Variants in SLC1A3 observed in about 807,000 individuals in gnomAD.
SLC1A3 encodes solute carrier family 1 member 3.
A neutral mutation model predicts 48.1 loss-of-function variants in SLC1A3; 21 were observed. That is an observed-to-expected ratio of 0.44 (90% CI 0.31 to 0.63). The LOEUF is 0.63. Ranked by LOEUF, SLC1A3 falls within the 20% of genes least tolerant of loss-of-function variation. The pLI is 0.08. For missense variants in SLC1A3, 546 were observed against 689.0 expected, an observed-to-expected ratio of 0.79 and a Z score of 2.32; for synonymous variants, 239 against 251.4, an observed-to-expected ratio of 0.95 and a Z score of 0.47.
chr5:36,663,209 TC>T (rs1298078679), intron 3 of SLC1A3, among the ~76,000 whole-genome samples: 1 of 152,002 alleles, frequency 6.6e-6, no homozygotes, highest in Non-Finnish European at 1.5e-5. Flanking sequence ...CATTTTCTTT[TC>T]TTGTTTGTTT....
chr5:36,638,182 T>G (rs1740470052), intron 3 of SLC1A3, among the ~76,000 whole-genome samples: 1 of 152,190 alleles, frequency 6.6e-6, no homozygotes, highest in Non-Finnish European at 1.5e-5. Flanking sequence ...TGGAATGCAC[T>G]GTTAACATGT....
chr5:36,683,620 A>G (rs546316025), intron 8 of SLC1A3, among the ~76,000 whole-genome samples: 2 of 152,096 alleles, frequency 1.3e-5, no homozygotes, highest in East Asian at 1.9e-4. Flanking sequence ...AGGCACGAGA[A>G]TCACTTGAAC....
intron 2 of SLC1A3, among the ~76,000 whole-genome samples, chr5:36,620,848 A>G (rs1469866892): frequency 6.6e-6 from 1 of 152,086 alleles, no homozygotes; most frequent in East Asian, 1.9e-4. Flanking sequence ...AACAAATAAA[A>G]CCAGCTAAGG....
chr5:36,676,806 A>G, intron 5 of SLC1A3, 86 bp from the exon 6 acceptor site: 1 of 1,021,236 alleles, frequency 9.8e-7, no homozygotes, highest in Non-Finnish European at 1.4e-6. Flanking sequence ...AGTAACAGTA[A>G]TCATTTTAGA....
chr5:36,687,260 G>A lies in SLC1A3; in HGVS notation c.*991G>A, dbSNP rs1489496409. 6.6e-6 allele frequency: 1 copy of A among 152,196 alleles called. No homozygotes were observed. Among genetic ancestry groups the A allele is most frequent in the African/African-American group, 2.4e-5 (1 of 41,432 alleles). The allele number at this position is 152,196 out of a possible 1,614,324, so 9.4% of individuals were successfully genotyped here. A position where few individuals can be genotyped will look rare whatever the true frequency, so the allele number is the denominator to read the frequency against. ...CTGATGATAGACTTCGAAAACAGAT[G>A]AGAAGACTAGCAGCTAGCAAGGGTG... On this transcript the variant is annotated 3_prime_UTR_variant, in exon 10 of 10. Transcript: ENST00000265113.
At chr5:36,617,342 A>C (rs1739476321) in intron 2 of SLC1A3, among the ~76,000 whole-genome samples, 1 of 151,458 alleles carries the variant, frequency 6.6e-6, no homozygotes. Context: ...AGAAAGATGC[A>C]GGCATCCAGC....
chr5:36,642,408 C>T (rs1263366313), intron 3 of SLC1A3, among the ~76,000 whole-genome samples: 7 of 152,286 alleles, frequency 4.6e-5, no homozygotes, highest in Non-Finnish European at 1.0e-4. Flanking sequence ...CCACCACTAA[C>T]CTCCATTTGA....
intron 6 of SLC1A3, among the ~76,000 whole-genome samples, chr5:36,678,495 A>C (rs564200623): frequency 1.3e-5 from 2 of 152,216 alleles, no homozygotes; most frequent in Admixed American, 1.3e-4. Flanking sequence ...CTGAGTTATT[A>C]TATTTCTGAA....
At chr5:36,601,905 T>A (rs1184423364), upstream of SLC1A3, among the ~76,000 whole-genome samples, 1 of 152,192 alleles carries the variant, frequency 6.6e-6, no homozygotes, top group Non-Finnish European at 1.5e-5. Context: ...ATCTGTTTAT[T>A]GGTGCAGCAA....
intron 3 of SLC1A3, among the ~76,000 whole-genome samples, chr5:36,647,789 T>C (rs965369807): frequency 4.6e-5 from 7 of 152,226 alleles, no homozygotes; most frequent in African/African-American, 1.7e-4. Context: ...TTGTTTTATT[T>C]TTGCCATTGA....
chr5:36,651,787 T>G (rs928178749), intron 3 of SLC1A3, among the ~76,000 whole-genome samples: 3 of 152,060 alleles, frequency 2.0e-5, no homozygotes, highest in Non-Finnish European at 2.9e-5. Flanking sequence ...CAGACAGAAA[T>G]CATCTTTCGA....
At chr5:36,619,802 C>T (rs1199652170) in intron 2 of SLC1A3, among the ~76,000 whole-genome samples, 1 of 152,142 alleles carries the variant, frequency 6.6e-6, no homozygotes, top group Non-Finnish European at 1.5e-5. Context: ...ATTGTAATGG[C>T]TAAATTGCTA....
chr5:36,628,380 T>C (rs1739995018), intron 2 of SLC1A3, among the ~76,000 whole-genome samples: 2 of 152,190 alleles, frequency 1.3e-5, no homozygotes, highest in Admixed American at 6.5e-5. Flanking sequence ...GAAAAGCTTG[T>C]GCCAACCCGG....
At chr5:36,604,027 A>G (rs764905052), upstream of SLC1A3, among the ~76,000 whole-genome samples, 31 of 152,164 alleles carry the variant, frequency 2.0e-4, no homozygotes, top group Non-Finnish European at 4.0e-4. Flanking sequence ...CTTGTTCTTC[A>G]AACCAATAAA....
intron 2 of SLC1A3, among the ~76,000 whole-genome samples, chr5:36,622,540 T>C (rs1442796983): frequency 1.3e-5 from 2 of 152,218 alleles, no homozygotes; most frequent in Admixed American, 1.3e-4. Flanking sequence ...ATCTTAATAT[T>C]TTCAATAGTT....
intron 3 of SLC1A3, among the ~76,000 whole-genome samples, chr5:36,655,064 C>T (rs1031865476): frequency 2.7e-4 from 41 of 152,154 alleles, no homozygotes; most frequent in African/African-American, 9.9e-4. Context: ...ATAGTAGTGA[C>T]AGTAATAAAC....
intron 2 of SLC1A3, among the ~76,000 whole-genome samples, chr5:36,622,395 C>T (rs557419556): frequency 2.0e-5 from 3 of 152,272 alleles, no homozygotes; most frequent in African/African-American, 7.2e-5. Context: ...TGACAAAGTT[C>T]GCAGATAGAG....
At chr5:36,635,187 AC>A (rs1299172186) in intron 3 of SLC1A3, among the ~76,000 whole-genome samples, 8 of 151,792 alleles carry the variant, frequency 5.3e-5, no homozygotes, top group Non-Finnish European at 1.2e-4. Context: ...AAAAAAAAAA[AC>A]AGTATCTAAC....
At chr5:36,600,907 G>C (rs922198247) in intron 1 of SLC1A3, among the ~76,000 whole-genome samples, 1 of 152,154 alleles carries the variant, frequency 6.6e-6, no homozygotes, top group Non-Finnish European at 1.5e-5. Flanking sequence ...AGCCACTAAG[G>C]TTGATTTGTG....
Sources: allele counts gnomAD v4.1 joint callset (sites outside exome capture counted in the v4.1 genomes callset), GRCh38; gene constraint gnomAD v4.1.1; transcripts MANE v1.5; gene names NCBI Gene and HGNC (gene_info 2026-07-23, HGNC 2026-07-21).